Variants in RPTOR observed in about 807,000 individuals in gnomAD.
RPTOR encodes the protein regulatory associated protein of MTOR complex 1, also known as regulatory-associated protein of mTOR.
A neutral mutation model predicts 169.9 loss-of-function variants in RPTOR; 21 were observed. The ratio of observed to expected loss-of-function variants is 0.12; its 90% CI spans 0.09 to 0.18. The LOEUF (loss-of-function observed/expected upper bound fraction) is 0.18. RPTOR is among the 10% of genes least tolerant of loss of function. The probability of loss-of-function intolerance (pLI) is 1.00; values close to 1 mark genes in which losing one functional copy is unlikely to be tolerated. For missense variants in RPTOR, 1,133 were observed against 1,855.9 expected, an observed-to-expected ratio of 0.61 and a Z score of 7.16; for synonymous variants, 732 against 753.2, an observed-to-expected ratio of 0.97 and a Z score of 0.46.
intron 7 of RPTOR, among the ~76,000 whole-genome samples, chr17:80,796,682 T>A (rs1165009388): frequency 6.6e-6 from 1 of 152,218 alleles, no homozygotes; most frequent in Admixed American, 6.5e-5. Flanking sequence ...CCTCAGTCTT[T>A]ATTGAGAATA....
rs2068772976 is a variant in RPTOR at position 80,923,532 on chromosome 17, C to A, written c.2667C>A (p.Thr889=). The change falls in exon 23 of 34, where the codon ACC becomes ACA. Residue 889 remains threonine, a synonymous_variant. Transcript: ENST00000306801. ...PASSTSSSSL[T]NDVAKQPVSR... is the part of the protein sequence containing the mutation. ...CCAGCACCAGCAGCTCCAGCCTGAC[C>A]AACGATGTGGCCAAGCAGCCGGTCA... is the stretch of plus-strand genomic sequence containing the variant. The A allele has an allele frequency of 1.2e-6, 2 of 1,613,384 alleles. No individual in the cohort carries two copies. Among genetic ancestry groups the A allele is most frequent in the Non-Finnish European group, 1.7e-6 (2 of 1,179,988 alleles).
intron 7 of RPTOR, among the ~76,000 whole-genome samples, chr17:80,815,488 G>A (rs2048753): frequency 0.2 from 30,758 of 152,276 alleles, 3,679 homozygotes; most frequent in East Asian, 0.3. Context: ...GCCCAGCCCC[G>A]TGTCCACAGG....
chr17:80,724,274 C>G (rs1317815958), intron 4 of RPTOR, among the ~76,000 whole-genome samples: 1 of 151,092 alleles, frequency 6.6e-6, no homozygotes, highest in Non-Finnish European at 1.5e-5. Context: ...AGGCCATGTC[C>G]TGAGAGGTGG....
rs145624744 is a variant in RPTOR, at chr17:80,636,528, G to A, written c.266-7200G>A. On this transcript the variant is annotated intron_variant, in intron 2 of 33. Coordinates refer to ENST00000306801, the MANE Select transcript of RPTOR (RefSeq NM_020761.3). ...GGGCTGTAACACTGTGTCCTGTCACGGTGAAAGGGACAGAAAAGCAGAAGT... is the reference window on the plus strand; with the variant it reads ...GGGCTGTAACACTGTGTCCTGTCACAGTGAAAGGGACAGAAAAGCAGAAGT... Among the ~76,000 whole-genome samples, 56 of 152,232 alleles carry A rather than the reference G, an allele frequency of 3.7e-4. 1 individual carries two copies. Among genetic ancestry groups the A allele is most frequent in the African/African-American group, 1.2e-3 (49 of 41,536 alleles).
intron 6 of RPTOR, 31 bp from the exon 7 acceptor site, chr17:80,791,419 A>G (rs4969429): frequency 0.73 from 1,175,689 of 1,606,982 alleles, 430,899 homozygotes; most frequent in African/African-American, 0.77. Context: ...TGTTCCATTC[A>G]TGCCGTTCAC....
chr17:80,837,455 C>A (rs1257394283), intron 9 of RPTOR, among the ~76,000 whole-genome samples: 1 of 152,214 alleles, frequency 6.6e-6, no homozygotes, highest in African/African-American at 2.4e-5. Flanking sequence ...GCCGACCCCT[C>A]CTGATGAGGC....
intron 1 of RPTOR, among the ~76,000 whole-genome samples, chr17:80,547,837 C>T (rs74003964): frequency 0.054 from 8,283 of 152,174 alleles, 753 homozygotes; most frequent in African/African-American, 0.19. Context: ...AGACAAATGG[C>T]AGCTGACATT....
chr17:80,947,832 G>T lies in RPTOR; in HGVS notation c.3265+481G>T, dbSNP rs1046344621. 1.3e-5 allele frequency among the ~76,000 whole-genome samples: 2 copies of T among 152,168 alleles called. No individual in the cohort carries two copies. Among genetic ancestry groups the T allele is most frequent in the Admixed American group, 6.5e-5 (1 of 15,288 alleles). Reference sequence around the variant, plus strand: ...CCCGTCCTGCACCTGAAAGGACATCGTTGACCATCATGGTCGCTGACCAGT... The same window carrying T: ...CCCGTCCTGCACCTGAAAGGACATCTTTGACCATCATGGTCGCTGACCAGT... On this transcript the variant is annotated intron_variant, in intron 27 of 33. Transcript: ENST00000306801. This position sits in a 1 kb window ranked among gnomAD's most constrained non-coding sequence, Gnocchi z 4.4.
chr17:80,627,973 G>T (rs932759061), intron 2 of RPTOR, among the ~76,000 whole-genome samples: 2 of 151,962 alleles, frequency 1.3e-5, no homozygotes, highest in African/African-American at 4.8e-5. Flanking sequence ...CGAGTAGCTG[G>T]GATTACAAGC....
chr17:80,700,726 G>A (rs1405141891), intron 3 of RPTOR, among the ~76,000 whole-genome samples: 2 of 102,864 alleles, frequency 1.9e-5, no homozygotes, highest in Non-Finnish European at 2.1e-5. Context: ...TGGTGGTGGT[G>A]GTGATGATGG....
intron 6 of RPTOR, among the ~76,000 whole-genome samples, chr17:80,756,727 A>C (rs1273396220): frequency 6.6e-6 from 1 of 152,202 alleles, no homozygotes; most frequent in Non-Finnish European, 1.5e-5. Flanking sequence ...GTTTGAGGTG[A>C]TGTATGAGTT....
At chr17:80,635,478 G>A (rs1196775530) in intron 2 of RPTOR, among the ~76,000 whole-genome samples, 1 of 152,212 alleles carries the variant, frequency 6.6e-6, no homozygotes, top group African/African-American at 2.4e-5. Flanking sequence ...CCAAGACTGG[G>A]ACGGGAGCTG....
chr17:80,808,355 G>C (rs555916047), intron 7 of RPTOR, among the ~76,000 whole-genome samples: 1 of 152,222 alleles, frequency 6.6e-6, no homozygotes, highest in African/African-American at 2.4e-5. Flanking sequence ...AGTCCCAGTG[G>C]TTGTGGCTGC....
At chr17:80,777,724 A>G (rs962169835) in intron 6 of RPTOR, among the ~76,000 whole-genome samples, 6 of 152,336 alleles carry the variant, frequency 3.9e-5, no homozygotes, top group South Asian at 4.1e-4. Flanking sequence ...GCACTTTTAT[A>G]GCTTTAGCTG....
chr17:80,695,418 C>T lies in RPTOR; in HGVS notation c.349-12423C>T, dbSNP rs1316259151. ...ATTTGGGGCTGAGACTTAAGTTTCCCATCTCTGGGCGGGACCTGTGCTCTC... is the reference window on the plus strand; with the variant it reads ...ATTTGGGGCTGAGACTTAAGTTTCCTATCTCTGGGCGGGACCTGTGCTCTC... On this transcript the variant is annotated intron_variant, in intron 3 of 33. Coordinates refer to ENST00000306801, the MANE Select transcript of RPTOR (RefSeq NM_020761.3). This position sits in a 1 kb window ranked among gnomAD's most constrained non-coding sequence, Gnocchi z 4.9. 1.3e-5 allele frequency among the ~76,000 whole-genome samples: 2 copies of T among 152,198 alleles called. No individual in the cohort carries two copies. The highest frequency in any genetic ancestry group is 2.9e-5 in the Non-Finnish European group (2 of 68,034).
intron 3 of RPTOR, among the ~76,000 whole-genome samples, chr17:80,666,365 G>C (rs1367364065): frequency 6.6e-6 from 1 of 152,164 alleles, no homozygotes; most frequent in East Asian, 1.9e-4. Context: ...ATGGAGACTA[G>C]AAGAAGTGCT....
intron 2 of RPTOR, among the ~76,000 whole-genome samples, chr17:80,637,094 G>A (rs1449100920): frequency 6.6e-6 from 1 of 152,218 alleles, no homozygotes; most frequent in Non-Finnish European, 1.5e-5. Flanking sequence ...TTTTGGGCAG[G>A]GTGGGGTGGA....
intron 3 of RPTOR, among the ~76,000 whole-genome samples, chr17:80,674,525 G>C (rs537862474): frequency 6.6e-6 from 1 of 152,142 alleles, no homozygotes; most frequent in South Asian, 2.1e-4. Flanking sequence ...TGGCATAGGC[G>C]CCATCCTGGC....
intron 21 of RPTOR, among the ~76,000 whole-genome samples, chr17:80,919,328 A>G (rs886214116): frequency 6.6e-6 from 1 of 152,180 alleles, no homozygotes; most frequent in African/African-American, 2.4e-5. Flanking sequence ...TCTTAGCCCA[A>G]AAGTGCCTCT....
Sources: gnomAD v4.1 joint callset for allele counts (sites outside exome capture counted in the v4.1 genomes callset) on GRCh38, gnomAD v4.1.1 for gene constraint, Gnocchi (gnomAD v3.1) non-coding constraint, MANE v1.5 for transcripts, NCBI Gene and HGNC (gene_info 2026-07-23, HGNC 2026-07-21) for gene names.